Variants in USP47 observed in about 807,000 individuals in gnomAD.
USP47 encodes the protein ubiquitin specific peptidase 47.
In USP47, 35 loss-of-function variants were observed where a neutral mutation model predicts 165.1. The observed-to-expected ratio is 0.21, with a 90% CI of 0.16 to 0.28. The LOEUF (loss-of-function observed/expected upper bound fraction) is 0.28. Among genes scored for constraint, USP47 ranks in the 10% least tolerant of loss-of-function variants. The probability of loss-of-function intolerance (pLI) is 1.00; values close to 1 mark genes in which losing one functional copy is unlikely to be tolerated. For synonymous variants in USP47, 531 were observed against 544.5 expected (o/e 0.98, Z 0.35); for missense variants, 1,277 against 1,607.4 (o/e 0.79, Z 3.52).
chr11:11,883,279 T>C (rs1255360234), intron 2 of USP47, among the ~76,000 whole-genome samples: 3 of 152,244 alleles, frequency 2.0e-5, no homozygotes, highest in African/African-American at 7.2e-5. Flanking sequence ...ATATTCGCTG[T>C]TTTATTTACT....
intron 14 of USP47, among the ~76,000 whole-genome samples, chr11:11,931,722 C>A (rs538228534): frequency 6.6e-6 from 1 of 152,106 alleles, no homozygotes; most frequent in Admixed American, 6.6e-5. Context: ...CAGCTTTTAC[C>A]TTTTACGGAC....
rs116239881 is a variant in USP47, at chr11:11,957,962, T to C, written c.*1787T>C. On this transcript the variant is annotated 3_prime_UTR_variant, in exon 28 of 28. Transcript: ENST00000527733. ...TCTGAGTTTGCATTAGTGGGATTGG[T>C]GATGTTCTCAGAAGAAAATTGGAAA... The C allele has an allele frequency of 1.1e-4, 17 of 152,364 alleles. No individual in the cohort carries two copies. The highest frequency in any genetic ancestry group is 4.1e-4 in the African/African-American group (17 of 41,582). 9.4% of individuals were successfully genotyped at this position (152,364 alleles called of 1,614,324 possible).
intron 11 of USP47, among the ~76,000 whole-genome samples, 154 bp downstream of exon 11, chr11:11,923,045 T>TATATATATATATATATATATATATATAC (rs1853964549): frequency 5.7e-5 from 1 of 17,442 alleles, no homozygotes; most frequent in African/African-American, 2.8e-4. Context: ...TTTGTACATA[T>TATATATATATATATATATATATATATAC]ATATATATAT....
chr11:11,947,926 G>GT lies in USP47; in HGVS notation c.3092-9dup, dbSNP rs754074088. ...CTTTTACATTTTTGTTCCTGTTTTG[G>GT]TTTTTTTTTTGTGCTTAGGGTTGAT... On this transcript the variant is annotated intron_variant, in intron 20 of 27. Coordinates refer to ENST00000527733, the MANE Select transcript of USP47 (RefSeq NM_001282659.2). 0.016 allele frequency: 18,257 copies of GT among 1,147,874 alleles called. No individual in the cohort carries two copies. The highest frequency in any genetic ancestry group is 0.039 in the South Asian group (2,312 of 59,240). 71.1% of individuals were successfully genotyped at this position (1,147,874 alleles called of 1,614,324 possible).
intron 8 of USP47, among the ~76,000 whole-genome samples, chr11:11,914,422 T>G (rs1853255603): frequency 6.6e-6 from 1 of 152,126 alleles, no homozygotes; most frequent in Non-Finnish European, 1.5e-5. Flanking sequence ...AACTTAAATG[T>G]AAAATGTAAG....
chr11:11,892,076 T>C lies in USP47; in HGVS notation c.466T>C (p.Tyr156His). ...TGATTATGTCAGCCAAAGCTACTCC[T>C]ACTCATCTATTTTGAATAAATCAGA... is the stretch of plus-strand genomic sequence containing the variant. ...TSDYVSQSYS[Y>H]SSILNKSETG... The change falls in exon 4 of 28, where the codon TAC (tyrosine) becomes CAC (histidine). Residue 156 changes from tyrosine (Y) to histidine (H), a missense_variant. Coordinates refer to ENST00000527733, the MANE Select transcript of USP47 (RefSeq NM_001282659.2). The C allele has an allele frequency of 6.2e-7, 1 of 1,613,792 alleles. No homozygotes were observed. The highest frequency in any genetic ancestry group is 8.5e-7 in the Non-Finnish European group (1 of 1,179,848).
chr11:11,879,357 C>T (rs1175325384), intron 1 of USP47, among the ~76,000 whole-genome samples: 1 of 151,960 alleles, frequency 6.6e-6, no homozygotes, highest in Non-Finnish European at 1.5e-5. Flanking sequence ...TGGTGCCATT[C>T]ATTGAGATGG....
chr11:11,893,748 G>A (rs7106135), intron 4 of USP47, among the ~76,000 whole-genome samples: 118,704 of 151,764 alleles, frequency 0.78, 47,121 homozygotes, highest in African/African-American at 0.93. Flanking sequence ...AGGTCTCACT[G>A]TGTTGCCCAG....
intron 2 of USP47, among the ~76,000 whole-genome samples, chr11:11,883,911 G>A (rs1850992702): frequency 6.6e-6 from 1 of 152,114 alleles, no homozygotes; most frequent in African/African-American, 2.4e-5. Flanking sequence ...TACTGGGACA[G>A]GCTTTTCCTT....
At chr11:11,869,081 T>C (rs1849864954) in intron 1 of USP47, among the ~76,000 whole-genome samples, 1 of 152,190 alleles carries the variant, frequency 6.6e-6, no homozygotes, top group Non-Finnish European at 1.5e-5. Flanking sequence ...TTTTAGTCCT[T>C]AACGGAATCT....
chr11:11,859,702 A>G (rs1038195723), intron 1 of USP47, among the ~76,000 whole-genome samples: 20 of 152,200 alleles, frequency 1.3e-4, no homozygotes, highest in Non-Finnish European at 2.5e-4. Flanking sequence ...TGTTTCTTAA[A>G]TGTATTTTAA....
intron 3 of USP47, among the ~76,000 whole-genome samples, chr11:11,887,634 T>G (rs753070717): frequency 2.0e-5 from 3 of 152,112 alleles, no homozygotes; most frequent in Non-Finnish European, 4.4e-5. Context: ...ATGGGAGACT[T>G]TAACACCCCA....
chr11:11,936,327 C>T lies in USP47; in HGVS notation c.1894C>T (p.Pro632Ser), dbSNP rs1174579909. 1 of 1,600,646 alleles carries T rather than the reference C, an allele frequency of 6.2e-7. No homozygotes were observed. Among genetic ancestry groups the T allele is most frequent in the Non-Finnish European group, 8.5e-7 (1 of 1,171,764 alleles). ...GATGATGGATTTAGAAGAGGTAATA[C>T]CCCTGGATTGCTGTCGCCTTGTTAA... ...YKMMDLEEVI[P>S]LDCCRLVKYD... Residue 632 changes from proline to serine, a missense_variant, in exon 17 of 28, where the codon CCC becomes TCC. Coordinates refer to ENST00000527733, the MANE Select transcript of USP47 (RefSeq NM_001282659.2).
At chr11:11,880,079 G>A (rs1444979394) in intron 1 of USP47, 98 bp from the exon 2 acceptor site, 2 of 814,996 alleles carry the variant, frequency 2.5e-6, no homozygotes, top group East Asian at 3.1e-5. Context: ...AGTATTTCCT[G>A]AGGTCTTTTA....
At chr11:11,915,539 T>C (rs1355997028) in intron 8 of USP47, among the ~76,000 whole-genome samples, 2 of 152,192 alleles carry the variant, frequency 1.3e-5, no homozygotes, top group African/African-American at 4.8e-5. Flanking sequence ...GATAGGTGTA[T>C]GAATGCCAAT....
Position 11,925,456 on chromosome 11 carries a change from G to C in USP47, c.1386+2565G>C, listed in dbSNP as rs139534685. Among the ~76,000 whole-genome samples the C allele has an allele frequency of 1.2e-4, 18 of 152,044 alleles. No individual in the cohort carries two copies. In the East Asian group the frequency reaches 3.5e-3, roughly 29 times the overall value. On this transcript the variant is annotated intron_variant, in intron 11 of 27. Transcript: ENST00000527733. The stretch of plus-strand genomic sequence containing the variant: ...ATGAGTCTTCTGCCTCCTTGGTTAA[G>C]TTTATTCCTAAGAATTTTATTCTCT...
At chr11:11,888,146 T>G (rs1017240149) in intron 3 of USP47, among the ~76,000 whole-genome samples, 6 of 151,804 alleles carry the variant, frequency 4.0e-5, no homozygotes, top group Non-Finnish European at 7.4e-5. Flanking sequence ...ACATTACAAC[T>G]AAAAGAACTA....
At chr11:11,900,263 T>C (rs1429073764) in intron 5 of USP47, among the ~76,000 whole-genome samples, 1 of 151,468 alleles carries the variant, frequency 6.6e-6, no homozygotes, top group Non-Finnish European at 1.5e-5. Context: ...GGGTTCATGT[T>C]CATTCTCCTG....
intron 1 of USP47, among the ~76,000 whole-genome samples, chr11:11,866,261 T>C (rs185375657): frequency 2.0e-5 from 3 of 152,242 alleles, no homozygotes; most frequent in Admixed American, 1.3e-4. Flanking sequence ...GAACACTGAG[T>C]AACAATTTTA....
Sources: allele counts gnomAD v4.1 joint callset (sites outside exome capture counted in the v4.1 genomes callset), GRCh38; gene constraint gnomAD v4.1.1; transcripts MANE v1.5; gene names NCBI Gene and HGNC (gene_info 2026-07-23, HGNC 2026-07-21).